ODF2: variants seen among roughly 807,000 people sequenced by gnomAD.
The protein encoded by ODF2 is outer dense fiber of sperm tails 2.
A neutral mutation model predicts 110.2 loss-of-function variants in ODF2; 47 were observed. The observed-to-expected ratio is 0.43, with a 90% CI of 0.34 to 0.54. ODF2 has a LOEUF of 0.54. Ranked by LOEUF, ODF2 falls within the 20% of genes least tolerant of loss-of-function variation. The pLI, the probability that ODF2 is intolerant of heterozygous loss-of-function variation, is 0.03. For synonymous variants in ODF2, 352 were observed against 397.7 expected, an observed-to-expected ratio of 0.89 and a Z score of 1.37; for missense variants, 812 against 1,054.5, an observed-to-expected ratio of 0.77 and a Z score of 3.19.
chr9:128,468,293 T>G (rs1838817123), intron 4 of ODF2, among the ~76,000 whole-genome samples: 1 of 152,192 alleles, frequency 6.6e-6, no homozygotes, highest in Non-Finnish European at 1.5e-5. Flanking sequence ...TATAAAAAAA[T>G]GTACTGCCCT....
At chr9:128,473,031 A>G in exon 7 of ODF2, 1 of 1,614,040 alleles carries the variant, frequency 6.2e-7, no homozygotes, top group Non-Finnish European at 8.5e-7. Flanking sequence ...TACCATCGGG[A>G]AGCTGAAAAC....
At chr9:128,476,774 G>A (rs149208022) in intron 8 of ODF2, among the ~76,000 whole-genome samples, 1,794 of 151,290 alleles carry the variant, frequency 0.012, 35 homozygotes, top group African/African-American at 0.041. Flanking sequence ...GAGTAGCTGG[G>A]ATTACAGGTG....
intron 14 of ODF2, among the ~76,000 whole-genome samples, chr9:128,492,104 A>G (rs1016679017): frequency 2.0e-5 from 3 of 152,004 alleles, no homozygotes; most frequent in African/African-American, 7.2e-5. Context: ...TAACCTTGTG[A>G]TCCGCCCACC....
chr9:128,456,739 T>G, intron 1 of ODF2: 1 of 980,518 alleles, frequency 1.0e-6, no homozygotes, highest in African/African-American at 1.8e-5. Flanking sequence ...GTCTCCGGCT[T>G]GCCAGGGCCC....
chr9:128,472,141 G>A (rs925543174), intron 6 of ODF2, among the ~76,000 whole-genome samples: 18 of 152,216 alleles, frequency 1.2e-4, no homozygotes, highest in African/African-American at 3.9e-4. Context: ...TAAGCCGGGC[G>A]TCGCGGCGGG....
At chr9:128,461,698 C>T (rs1836503966) in intron 4 of ODF2, among the ~76,000 whole-genome samples, 2 of 152,068 alleles carry the variant, frequency 1.3e-5, no homozygotes, top group African/African-American at 2.4e-5. Context: ...GGATTACAGG[C>T]GTGAGCCACC....
At chr9:128,455,274 G>C, upstream of ODF2, 3 of 1,520,076 alleles carry the variant, frequency 2.0e-6, no homozygotes, top group South Asian at 1.2e-5. Flanking sequence ...GTAGTAGACC[G>C]GGCGCGGAGG....
chr9:128,457,137 C>A, intron 1 of ODF2: 1 of 1,451,900 alleles, frequency 6.9e-7, no homozygotes, highest in South Asian at 1.2e-5. Flanking sequence ...CCCGTCCCCT[C>A]CCCTTCCTCC....
intron 1 of ODF2, 106 bp downstream of exon 1, chr9:128,456,361 C>T (rs1030940158): frequency 1.4e-6 from 2 of 1,433,112 alleles, no homozygotes; most frequent in African/African-American, 1.5e-5. Flanking sequence ...CCGTCGGGTC[C>T]TGGGTTCCCC....
intron 13 of ODF2, among the ~76,000 whole-genome samples, chr9:128,487,382 A>C (rs886294042): frequency 3.3e-5 from 5 of 152,216 alleles, no homozygotes; most frequent in African/African-American, 1.2e-4. Context: ...AGCAATGCCA[A>C]GGCAGGGCAG....
intron 8 of ODF2, among the ~76,000 whole-genome samples, chr9:128,478,155 C>T (rs764634385): frequency 6.6e-6 from 1 of 152,278 alleles, no homozygotes; most frequent in East Asian, 1.9e-4. Context: ...CATCACCACA[C>T]CTGGCTAATT....
exon 6 of ODF2, chr9:128,471,432 A>G (rs1302425839): frequency 1.2e-6 from 2 of 1,613,534 alleles, no homozygotes; most frequent in Admixed American, 1.7e-5. Context: ...TTGAGGCACA[A>G]CATCGAGCGC....
intron 2 of ODF2, among the ~76,000 whole-genome samples, chr9:128,458,461 CA>C (rs55782363): frequency 0.33 from 23,952 of 72,796 alleles, 1,791 homozygotes; most frequent in East Asian, 0.45. Flanking sequence ...GACTCTATCT[CA>C]AAAAAAAAAA....
At chr9:128,456,499 C>T in intron 1 of ODF2, 2 of 1,526,684 alleles carry the variant, frequency 1.3e-6, no homozygotes, top group East Asian at 2.6e-5. Flanking sequence ...CCACGGGGCT[C>T]TGCCCCTCCT....
chr9:128,479,003 T>C (rs1188030399), intron 8 of ODF2, among the ~76,000 whole-genome samples: 2 of 152,136 alleles, frequency 1.3e-5, no homozygotes, highest in Admixed American at 6.6e-5. Context: ...TTCATGCACA[T>C]AGGATGGCAG....
chr9:128,499,105 G>C lies in ODF2; in HGVS notation c.2280G>C (p.Gln760His), dbSNP rs762218623. Residue 760 changes from glutamine (Q) to histidine (H), a missense_variant, in exon 20 of 21, where the codon CAG becomes CAC. Gln to His is a conservative substitution (Grantham distance 24). This residue lies in a region of ODF2 where 234 missense variants were observed against 245.3 expected (regional missense o/e 0.95). Coordinates refer to ENST00000604420, the Ensembl canonical transcript of ODF2. ...GCAGAACCAAAACGGAATTGAGCCA[G>C]CTGCGGCGGAGCCGTGATGATGTGA... is the stretch of plus-strand genomic sequence containing the variant. The C allele has an allele frequency of 5.0e-6, 8 of 1,614,212 alleles. No homozygotes were observed. The East Asian group carries it at 1.6e-4, about 31-fold the overall frequency.
intron 2 of ODF2, among the ~76,000 whole-genome samples, chr9:128,457,943 A>ATATATTT (rs1554817270): frequency 7.1e-6 from 1 of 140,422 alleles, no homozygotes; most frequent in Admixed American, 7.0e-5. Context: ...ATATATATAT[A>ATATATTT]TTTTTTTTTT....
At position 128,496,026 on chromosome 9, in the gene ODF2, T is replaced by C; in HGVS notation, c.1912-15T>C. The C allele has an allele frequency of 6.2e-7, 1 of 1,613,672 alleles. No individual in the cohort carries two copies. Among genetic ancestry groups the C allele is most frequent in the Non-Finnish European group, 8.5e-7 (1 of 1,179,872 alleles). On this transcript the variant is annotated splice_polypyrimidine_tract_variant and intron_variant, in intron 17 of 20. Transcript: ENST00000604420. ...AAATTCCTTTGTAAACCAGTCTGTG[T>C]TCCTGTCATTTTAGATCGAACACCA... is the stretch of plus-strand genomic sequence containing the variant.
intron 1 of ODF2, chr9:128,456,651 C>T: frequency 6.8e-7 from 1 of 1,476,446 alleles, no homozygotes. Flanking sequence ...ATCGCCCCGA[C>T]CGCCTCGTCC....
Sources: gnomAD v4.1 joint callset for allele counts (sites outside exome capture counted in the v4.1 genomes callset) on GRCh38, gnomAD v4.1.1 for gene constraint, gnomAD v4.1.1 regional missense constraint, MANE v1.5 for transcripts, NCBI Gene and HGNC (gene_info 2026-07-23, HGNC 2026-07-21) for gene names.